The following QNG1 variants were observed in gnomAD, a reference collection of about 807,000 sequenced individuals.
The protein encoded by QNG1 is Q-nucleotide N-glycosylase 1, also known as queuosine 5'-phosphate N-glycosylase/hydrolase.
At chr9:83,950,596 CT>C in the QNG1 span, among the ~76,000 whole-genome samples, 66,969 of 117,934 alleles carry the variant, frequency 0.57, 16,810 homozygotes, top group Middle Eastern at 0.67. Flanking sequence ...CTTTTCTTTT[CT>C]TTTTTTTTTT....
the QNG1 span, chr9:83,939,225 C>T: frequency 3.4e-6 from 1 of 293,160 alleles, no homozygotes; most frequent in Admixed American, 4.8e-5. Flanking sequence ...AGGCACGTGC[C>T]ACCACGCCCA....
chr9:83,945,713 T>C, the QNG1 span, among the ~76,000 whole-genome samples: 31 of 152,156 alleles, frequency 2.0e-4, no homozygotes, highest in East Asian at 5.7e-3. Context: ...GCCATTCTCC[T>C]GCCTCAGCCT....
At chr9:83,956,279 G>A in the QNG1 span, 1 of 1,614,146 alleles carries the variant, frequency 6.2e-7, no homozygotes, top group Middle Eastern at 1.6e-4. Context: ...AGGAGAAGTT[G>A]AGCGTGTCTG....
the QNG1 span, among the ~76,000 whole-genome samples, chr9:83,949,974 T>A: frequency 6.7e-6 from 1 of 150,330 alleles, no homozygotes; most frequent in Admixed American, 6.6e-5. Context: ...TAATAATATA[T>A]TAATATAAAA....
the QNG1 span, among the ~76,000 whole-genome samples, chr9:83,948,456 G>A: frequency 3.6e-5 from 5 of 140,184 alleles, no homozygotes; most frequent in Non-Finnish European, 7.9e-5. Context: ...CCGGCCAGCC[G>A]CCCCGTCGGG....
chr9:83,945,178 C>G, the QNG1 span, among the ~76,000 whole-genome samples: 1 of 151,404 alleles, frequency 6.6e-6, no homozygotes, highest in African/African-American at 2.4e-5. Flanking sequence ...CTGAGGTGGG[C>G]AGATTGCTTG....
At chr9:83,941,616 AAAG>A in the QNG1 span, among the ~76,000 whole-genome samples, 2 of 152,160 alleles carry the variant, frequency 1.3e-5, no homozygotes, top group African/African-American at 4.8e-5. Flanking sequence ...GCAAGCAAGA[AAAG>A]AAGAGGATAC....
chr9:83,939,873 T>C, the QNG1 span: 664 of 659,690 alleles, frequency 1.0e-3, 10 homozygotes, highest in African/African-American at 0.011. Context: ...GACGTTATTT[T>C]TGGTAATTTA....
At chr9:83,952,727 G>A in the QNG1 span, among the ~76,000 whole-genome samples, 1 of 151,460 alleles carries the variant, frequency 6.6e-6, no homozygotes, top group African/African-American at 2.4e-5. Context: ...CCCAGGAGGC[G>A]GAGCTTGCAG....
Sources: gnomAD v4.1 joint callset for allele counts (sites outside exome capture counted in the v4.1 genomes callset) on GRCh38, gnomAD v4.1.1 for gene constraint, MANE v1.5 for transcripts, NCBI Gene and HGNC (gene_info 2026-07-23, HGNC 2026-07-21) for gene names.